HEBP1: variants seen among roughly 807,000 people sequenced by gnomAD.
HEBP1 encodes the protein heme binding protein 1, also known as heme-binding protein 1.
Under a neutral mutation model 20.4 loss-of-function variants are expected in HEBP1, and 13 were observed. That is an observed-to-expected ratio of 0.64 (90% confidence interval 0.42 to 1.01). The LOEUF (loss-of-function observed/expected upper bound fraction) is 1.01, where lower values mean the gene tolerates loss of function less well. HEBP1 is among the 50% of genes least tolerant of loss of function. The pLI is 0.00. For missense variants in HEBP1, 241 were observed against 247.3 expected (o/e 0.97, Z 0.17); for synonymous variants, 92 against 90.7 (o/e 1.01, Z -0.08).
rs1034452435 is a variant in HEBP1 at position 12,978,766 on chromosome 12, C to T, written c.399-3287G>A. ...TAAGCCTCTGGGTAGAAGAAGATGCCGCTAACCAGAATAGGGATTAAAGGC... is the reference window on the plus strand; with the variant it reads ...TAAGCCTCTGGGTAGAAGAAGATGCTGCTAACCAGAATAGGGATTAAAGGC... On this transcript the variant is annotated intron_variant, in intron 3 of 3. Transcript: ENST00000014930. Among the ~76,000 whole-genome samples the T allele has an allele frequency of 1.5e-4, 23 of 151,636 alleles. 1 individual carries two copies. The highest frequency in any genetic ancestry group is 2.0e-4 in the Admixed American group (3 of 15,192).
At chr12:12,983,858 G>A (rs1864117687) in intron 3 of HEBP1, 2 of 447,416 alleles carry the variant, frequency 4.5e-6, no homozygotes, top group Non-Finnish European at 9.0e-6. Context: ...CTAGCTCTAG[G>A]GCAAGAAATG....
At chr12:12,988,518 C>T (rs862204) in intron 2 of HEBP1, among the ~76,000 whole-genome samples, 117,897 of 152,124 alleles carry the variant, frequency 0.78, 47,891 homozygotes, top group East Asian at 0.98. Context: ...GGCTAACACA[C>T]GTTTTTAGCT....
chr12:12,981,419 G>T (rs906309484), intron 3 of HEBP1, among the ~76,000 whole-genome samples: 1 of 152,126 alleles, frequency 6.6e-6, no homozygotes, highest in East Asian at 1.9e-4. Context: ...CCCTTGCCTG[G>T]TGGGAGTTTA....
intron 1 of HEBP1, among the ~76,000 whole-genome samples, chr12:12,992,624 C>T (rs1864238523): frequency 6.6e-6 from 1 of 152,188 alleles, no homozygotes; most frequent in South Asian, 2.1e-4. Context: ...GACTGTGGGG[C>T]ACCGTGCTGA....
intron 2 of HEBP1, among the ~76,000 whole-genome samples, chr12:12,988,347 G>A (rs1385938172): frequency 6.6e-6 from 1 of 152,116 alleles, no homozygotes; most frequent in Non-Finnish European, 1.5e-5. Flanking sequence ...TGTTAAGAAG[G>A]AAAAGATTTC....
chr12:12,987,127 G>C, intron 3 of HEBP1, 25 bp downstream of exon 3: 1 of 1,599,202 alleles, frequency 6.3e-7, no homozygotes, highest in Non-Finnish European at 8.6e-7. Context: ...GCCACCCATG[G>C]ATGCCTGAAG....
intron 1 of HEBP1, 112 bp from the exon 2 acceptor site, chr12:12,989,527 G>T: frequency 3.2e-6 from 3 of 944,992 alleles, no homozygotes; most frequent in Non-Finnish European, 4.9e-6. Flanking sequence ...TGGCCATAGA[G>T]CAGAAGGGAC....
At position 12,975,348 on chromosome 12, in the gene HEBP1, G is replaced by T; in HGVS notation, c.530C>A (p.Pro177His). 6.2e-7 allele frequency: 1 copy of T among 1,614,024 alleles called. No homozygotes were observed. Among genetic ancestry groups the T allele is most frequent in the Non-Finnish European group, 8.5e-7 (1 of 1,179,954 alleles). Residue 177 changes from proline (P) to histidine (H), a missense_variant, in exon 4 of 4, where the codon CCC (proline) becomes CAC (histidine). Transcript: ENST00000014930. ...FCTGYDPPMK[P>H]YGRRNEIWLL... Reference sequence around the variant, plus strand: ...CCAGATCTCATTGCGCCGTCCGTAGGGCTTCATGGGAGGGTCATAACCCGT... The same window carrying T: ...CCAGATCTCATTGCGCCGTCCGTAGTGCTTCATGGGAGGGTCATAACCCGT...
intron 2 of HEBP1, 75 bp downstream of exon 2, chr12:12,989,202 C>G (rs1304590032): frequency 1.3e-6 from 2 of 1,522,098 alleles, no homozygotes; most frequent in African/African-American, 2.7e-5. Flanking sequence ...CCCTCACTTG[C>G]ATTTACCACT....
intron 1 of HEBP1, 113 bp downstream of exon 1, chr12:12,999,924 C>A: frequency 1.7e-6 from 1 of 603,228 alleles, no homozygotes; most frequent in Non-Finnish European, 3.0e-6. Flanking sequence ...CCAGAACGCA[C>A]CTTCGATAGC....
intron 3 of HEBP1, among the ~76,000 whole-genome samples, chr12:12,976,360 T>A (rs1218263418): frequency 1.3e-5 from 2 of 152,222 alleles, no homozygotes; most frequent in Non-Finnish European, 2.9e-5. Flanking sequence ...TCAAGATTAT[T>A]ATTCTCTCCC....
chr12:12,986,921 C>G lies in HEBP1; in HGVS notation c.398+231G>C, dbSNP rs1320527504. The G allele has an allele frequency of 2.0e-6, 1 of 504,284 alleles. No individual in the cohort carries two copies. The highest frequency in any genetic ancestry group is 1.9e-5 in the African/African-American group (1 of 51,504). The allele number at this position is 504,284 out of a possible 1,614,324, so 31.2% of individuals were successfully genotyped here. On this transcript the variant is annotated intron_variant, in intron 3 of 3. Transcript: ENST00000014930. This position sits in a 1 kb window ranked among gnomAD's most constrained non-coding sequence, Gnocchi z 4.3. Reference sequence around the variant, plus strand: ...ACTGTAAGCTTAAGCAAAGCTTAAGCTCGTCCCATCAATTTGGCAACTGGC... The same window carrying G: ...ACTGTAAGCTTAAGCAAAGCTTAAGGTCGTCCCATCAATTTGGCAACTGGC...
At chr12:12,984,198 TAAAGG>T (rs1864123244) in intron 3 of HEBP1, 1 of 154,168 alleles carries the variant, frequency 6.5e-6, no homozygotes, top group Admixed American at 6.4e-5. Context: ...CTATATGAAA[TAAAGG>T]AAGCCAAATA....
intron 3 of HEBP1, among the ~76,000 whole-genome samples, chr12:12,976,380 G>A (rs1863988720): frequency 6.6e-6 from 1 of 152,156 alleles, no homozygotes; most frequent in Non-Finnish European, 1.5e-5. Flanking sequence ...CTTACGTCAT[G>A]TGCTTCTGTT....
chr12:12,993,337 G>A (rs1297670539), intron 1 of HEBP1, among the ~76,000 whole-genome samples: 1 of 152,012 alleles, frequency 6.6e-6, no homozygotes, highest in Admixed American at 6.6e-5. Flanking sequence ...ACCATGCCCA[G>A]CTAATTTTTT....
intron 3 of HEBP1, chr12:12,980,059 TC>T (rs1358539089): frequency 2.6e-5 from 4 of 152,224 alleles, no homozygotes; most frequent in African/African-American, 9.7e-5. Context: ...CCATTCAACT[TC>T]GAAACTTTAA....
rs962932595 is a variant in HEBP1, at chr12:12,985,147, G to GA, written c.398+2004dup. On this transcript the variant is annotated intron_variant, in intron 3 of 3. Transcript: ENST00000014930. ...TGGGCAACAGAGAGAGACTCCGTTG[G>GA]AAAAAAAAAAAAAGTAATGGGGGAA... Among the ~76,000 whole-genome samples the GA allele has an allele frequency of 7.3e-3, 1,003 of 137,630 alleles. 3 individuals are homozygous for GA. Among genetic ancestry groups the GA allele is most frequent in the African/African-American group, 0.014 (521 of 37,580 alleles). The allele number at this position is 137,630 out of a possible 152,430, so 90.3% of individuals were successfully genotyped here.
chr12:12,999,212 A>G (rs1449122428), intron 1 of HEBP1, among the ~76,000 whole-genome samples: 1 of 152,244 alleles, frequency 6.6e-6, no homozygotes, highest in African/African-American at 2.4e-5. Flanking sequence ...CGGTGGACAA[A>G]ACTGAACCCT....
At position 12,989,379 on chromosome 12, in the gene HEBP1, C is replaced by A; in HGVS notation, c.115G>T (p.Gly39Cys). 1 of 1,614,190 alleles carries A rather than the reference C, an allele frequency of 6.2e-7. No individual in the cohort carries two copies. ...VAYEERACEG[G>C]KFATVEVTDK... ...GTCACTTCTACTGTGGCAAATTTGC[C>A]GCCTTCACAGGCCCTTTCTTCATAG... The change falls in exon 2 of 4, where the codon GGC becomes TGC. Residue 39 changes from glycine to cysteine, a missense_variant. By Grantham distance (159) the Gly-to-Cys change is radical. Coordinates refer to ENST00000014930, the MANE Select transcript of HEBP1 (RefSeq NM_015987.5).
Sources: allele counts gnomAD v4.1 joint callset (sites outside exome capture counted in the v4.1 genomes callset), GRCh38; gene constraint gnomAD v4.1.1; non-coding constraint Gnocchi (gnomAD v3.1); transcripts MANE v1.5; gene names NCBI Gene and HGNC (gene_info 2026-07-23, HGNC 2026-07-21).